PDE6D: variants seen among roughly 807,000 people sequenced by gnomAD.
PDE6D encodes the protein phosphodiesterase 6D, also known as retinal rod rhodopsin-sensitive cGMP 3',5'-cyclic phosphodiesterase subunit delta.
A neutral mutation model predicts 21.9 loss-of-function variants in PDE6D; 10 were observed. The observed-to-expected ratio is 0.46, with a 90% CI of 0.28 to 0.78. PDE6D has a LOEUF of 0.78. PDE6D is among the 30% of genes least tolerant of loss of function. The probability of loss-of-function intolerance (pLI) is 0.12; values close to 1 mark genes in which losing one functional copy is unlikely to be tolerated. For missense variants in PDE6D, 139 were observed against 184.8 expected (o/e 0.75, Z 1.44); for synonymous variants, 59 against 63.5 (o/e 0.93, Z 0.34).
intron 1 of PDE6D, among the ~76,000 whole-genome samples, chr2:231,753,068 T>G (rs1468544489): frequency 1.3e-5 from 2 of 148,532 alleles, no homozygotes; most frequent in East Asian, 4.1e-4. Context: ...TCTGACCTCG[T>G]GATCCGCCCG....
chr2:231,772,717 T>A (rs191778958), intron 1 of PDE6D, among the ~76,000 whole-genome samples: 8 of 152,236 alleles, frequency 5.3e-5, no homozygotes, highest in Admixed American at 2.6e-4. Flanking sequence ...CTTCCAAGCC[T>A]CAGAACCATT....
At chr2:231,737,596 T>C (rs1026821358) in intron 3 of PDE6D, 3 of 318,052 alleles carry the variant, frequency 9.4e-6, no homozygotes, top group African/African-American at 2.1e-5. Flanking sequence ...AGATACATAG[T>C]TAAATTCACT....
chr2:231,743,553 T>TG (rs1471085483), intron 1 of PDE6D, among the ~76,000 whole-genome samples: 4 of 152,112 alleles, frequency 2.6e-5, no homozygotes, highest in African/African-American at 9.7e-5. Flanking sequence ...CATCCCTGCA[T>TG]GAATGTACTG....
At chr2:231,768,350 T>C (rs1287323614) in intron 1 of PDE6D, among the ~76,000 whole-genome samples, 2 of 152,162 alleles carry the variant, frequency 1.3e-5, no homozygotes, top group African/African-American at 2.4e-5. Context: ...TTAAACTGGG[T>C]AACACCTCAT....
intron 1 of PDE6D, among the ~76,000 whole-genome samples, chr2:231,749,854 T>C (rs2048824130): frequency 6.6e-6 from 1 of 151,964 alleles, no homozygotes; most frequent in Admixed American, 6.6e-5. Flanking sequence ...CTTTGGACTG[T>C]GGAGTTTTGG....
intron 1 of PDE6D, among the ~76,000 whole-genome samples, chr2:231,755,119 C>T (rs962740596): frequency 7.2e-5 from 11 of 152,140 alleles, no homozygotes; most frequent in African/African-American, 2.4e-4. Context: ...AGTCTGCAAC[C>T]TGGAAGAAGG....
intron 1 of PDE6D, among the ~76,000 whole-genome samples, chr2:231,747,495 G>A (rs1255682541): frequency 6.6e-6 from 1 of 152,214 alleles, no homozygotes; most frequent in East Asian, 1.9e-4. Context: ...TAAGCCATGT[G>A]TTAGCTATTA....
rs190722203 is a variant in PDE6D at position 231,780,529 on chromosome 2, G to C, written c.50+536C>G. Among the ~76,000 whole-genome samples the C allele has an allele frequency of 5.3e-3, 806 of 152,288 alleles. 6 individuals are homozygous for C. The highest frequency in any genetic ancestry group is 0.014 in the Middle Eastern group (4 of 292). On this transcript the variant is annotated intron_variant, in intron 1 of 4. Coordinates refer to ENST00000287600, the MANE Select transcript of PDE6D (RefSeq NM_002601.4). ...GAAGAGAAGTTGTGGAAACCAGACG[G>C]GGGTGGGGTGCGGTGCGGTGCGGTG...
intron 4 of PDE6D, 59 bp downstream of exon 4, chr2:231,737,128 C>A: frequency 1.0e-6 from 1 of 973,322 alleles, no homozygotes; most frequent in East Asian, 2.4e-5. Context: ...GGAGTCCCAC[C>A]TGCCTGGAAT....
chr2:231,772,664 C>T (rs2049024701), intron 1 of PDE6D, among the ~76,000 whole-genome samples: 1 of 152,096 alleles, frequency 6.6e-6, no homozygotes, highest in Admixed American at 6.6e-5. Flanking sequence ...ACAAGTGAGG[C>T]CTGGGAGGCA....
chr2:231,759,338 T>A (rs2048907937), intron 1 of PDE6D, among the ~76,000 whole-genome samples: 1 of 151,890 alleles, frequency 6.6e-6, no homozygotes, highest in Non-Finnish European at 1.5e-5. Flanking sequence ...TAAAGCAATT[T>A]TAAAGAGGAA....
At chr2:231,752,065 G>A (rs2048844104) in intron 1 of PDE6D, among the ~76,000 whole-genome samples, 1 of 152,114 alleles carries the variant, frequency 6.6e-6, no homozygotes, top group African/African-American at 2.4e-5. Context: ...TTAATCAAAT[G>A]ACTGTGCTCT....
intron 1 of PDE6D, among the ~76,000 whole-genome samples, chr2:231,749,395 C>T (rs1250429894): frequency 3.9e-5 from 6 of 152,048 alleles, no homozygotes; most frequent in African/African-American, 1.4e-4. Flanking sequence ...TGTATTTACT[C>T]AATACGTGTA....
In PDE6D at chr2:231,737,312, C is replaced by A. The variant is rs1295829262; in HGVS notation, c.266-20G>T. On this transcript the variant is annotated intron_variant, in intron 3 of 4. Coordinates refer to ENST00000287600, the MANE Select transcript of PDE6D (RefSeq NM_002601.4). ...ACCATTCTGAAGGAAGAAGGAAAAG[C>A]CGGGGTGAGCAGGTGCCCCAGTATA... 4 of 1,399,278 alleles carry A rather than the reference C, an allele frequency of 2.9e-6. No individual in the cohort carries two copies. The South Asian group carries it at 4.6e-5, about 16-fold the overall frequency. The allele number at this position is 1,399,278 out of a possible 1,614,324, so 86.7% of individuals were successfully genotyped here. A position where few individuals can be genotyped will look rare whatever the true frequency, so the allele number is the denominator to read the frequency against.
At chr2:231,741,513 T>G (rs914670987) in intron 1 of PDE6D, among the ~76,000 whole-genome samples, 1 of 152,122 alleles carries the variant, frequency 6.6e-6, no homozygotes, top group African/African-American at 2.4e-5. Flanking sequence ...CCCAAGACAA[T>G]AGCTCTTTAA....
intron 1 of PDE6D, among the ~76,000 whole-genome samples, chr2:231,756,081 T>C (rs994312690): frequency 6.6e-6 from 1 of 152,212 alleles, no homozygotes; most frequent in Non-Finnish European, 1.5e-5. Flanking sequence ...TGCATCTTTA[T>C]AAAAGTTCCC....
At chr2:231,744,641 C>G (rs1156330134) in intron 1 of PDE6D, among the ~76,000 whole-genome samples, 2 of 152,042 alleles carry the variant, frequency 1.3e-5, no homozygotes, top group Non-Finnish European at 2.9e-5. Flanking sequence ...CCATGTTGGT[C>G]AGGCTGGTCT....
intron 2 of PDE6D, among the ~76,000 whole-genome samples, chr2:231,738,724 T>C (rs1361033788): frequency 6.6e-6 from 1 of 151,896 alleles, no homozygotes; most frequent in Non-Finnish European, 1.5e-5. Context: ...GAGACCAGGA[T>C]GGCCAACATG....
intron 1 of PDE6D, among the ~76,000 whole-genome samples, chr2:231,764,047 A>G (rs1022632677): frequency 5.3e-5 from 8 of 152,028 alleles, no homozygotes; most frequent in East Asian, 1.9e-4. Flanking sequence ...TTTAAGCAGC[A>G]TTGTTCTAGG....
Sources: allele counts gnomAD v4.1 joint callset (sites outside exome capture counted in the v4.1 genomes callset), GRCh38; gene constraint gnomAD v4.1.1; transcripts MANE v1.5; gene names NCBI Gene and HGNC (gene_info 2026-07-23, HGNC 2026-07-21).